The following ZNF76 variants were observed in gnomAD, a reference collection of about 807,000 sequenced individuals.
The protein encoded by ZNF76 is zinc finger protein 76.
ZNF76 carries 66 observed loss-of-function variants against 66.9 expected under a neutral mutation model. The observed-to-expected ratio is 0.99, with a 90% CI of 0.81 to 1.21. The LOEUF (loss-of-function observed/expected upper bound fraction) is 1.21, where lower values mean the gene tolerates loss of function less well. Among genes scored for constraint, ZNF76 ranks in the 50% most tolerant of loss-of-function variants. The probability of loss-of-function intolerance (pLI) is 0.00; values close to 1 mark genes in which losing one functional copy is unlikely to be tolerated. For synonymous variants in ZNF76, 275 were observed against 296.1 expected (o/e 0.93, Z 0.73); for missense variants, 729 against 760.3 (o/e 0.96, Z 0.48).
Position 35,281,033 on chromosome 6 carries a change from T to C in ZNF76, c.-96-23T>C, listed in dbSNP as rs990239351. 37 of 988,914 alleles carry C rather than the reference T, an allele frequency of 3.7e-5. No homozygotes were observed. The African/African-American group carries it at 4.6e-4, about 12-fold the overall frequency. The allele number at this position is 988,914 out of a possible 1,614,324, so 61.3% of individuals were successfully genotyped here. A position where few individuals can be genotyped will look rare whatever the true frequency, so the allele number is the denominator to read the frequency against. The stretch of plus-strand genomic sequence containing the variant: ...TAGGAGAAAGCTGGTTAACTCATAA[T>C]GTGATACTGTTTATTTTCTTAGATT... On this transcript the variant is annotated intron_variant, in intron 1 of 13. Transcript: ENST00000373953.
intron 1 of ZNF76, among the ~76,000 whole-genome samples, chr6:35,278,102 C>T (rs573679173): frequency 5.3e-5 from 8 of 152,168 alleles, no homozygotes; most frequent in East Asian, 3.9e-4. Context: ...GTGATCTGCC[C>T]GCCTCAACTT....
At chr6:35,281,937 TAA>T (rs76963744) in intron 2 of ZNF76, among the ~76,000 whole-genome samples, 52 of 119,258 alleles carry the variant, frequency 4.4e-4, no homozygotes, top group African/African-American at 3.5e-4. Flanking sequence ...TCCCATCTCT[TAA>T]AAAAAAAAAA....
chr6:35,266,652 A>C (rs1041586562), intron 1 of ZNF76, among the ~76,000 whole-genome samples: 3 of 152,160 alleles, frequency 2.0e-5, no homozygotes, highest in Non-Finnish European at 2.9e-5. Context: ...GAGACAGCGG[A>C]GTATGGGAAG....
intron 1 of ZNF76, among the ~76,000 whole-genome samples, chr6:35,277,896 G>C (rs960735578): frequency 1.3e-5 from 2 of 152,216 alleles, no homozygotes; most frequent in African/African-American, 4.8e-5. Flanking sequence ...GTCTCACTCT[G>C]TCGCCCAGGC....
chr6:35,260,284 C>T (rs1197567632), intron 1 of ZNF76, among the ~76,000 whole-genome samples: 1 of 151,920 alleles, frequency 6.6e-6, no homozygotes, highest in Non-Finnish European at 1.5e-5. Flanking sequence ...CCTGGGTAAC[C>T]CTCCTGGCCC....
intron 5 of ZNF76, 131 bp from the exon 6 acceptor site, chr6:35,290,135 T>G: frequency 8.2e-7 from 1 of 1,213,564 alleles, no homozygotes. Flanking sequence ...CGTCTAGTTA[T>G]GTTCTTCTGC....
At chr6:35,269,894 A>G (rs545453400) in intron 1 of ZNF76, among the ~76,000 whole-genome samples, 2 of 152,184 alleles carry the variant, frequency 1.3e-5, no homozygotes, top group African/African-American at 4.8e-5. Flanking sequence ...TCAGCTGATC[A>G]GCTTTCCATA....
chr6:35,282,887 C>T (rs1562112933), intron 2 of ZNF76, among the ~76,000 whole-genome samples: 1 of 152,170 alleles, frequency 6.6e-6, no homozygotes, highest in Non-Finnish European at 1.5e-5. Flanking sequence ...CTGTCTGTGA[C>T]ATGTGGGTTC....
chr6:35,269,989 A>G (rs1187676817), intron 1 of ZNF76, among the ~76,000 whole-genome samples: 2 of 152,222 alleles, frequency 1.3e-5, no homozygotes, highest in African/African-American at 4.8e-5. Flanking sequence ...GGAATCCATC[A>G]TATCAACACT....
At chr6:35,291,802 C>T (rs1239688643) in intron 9 of ZNF76, 65 bp downstream of exon 9, 1 of 1,563,494 alleles carries the variant, frequency 6.4e-7, no homozygotes, top group Non-Finnish European at 8.7e-7. Context: ...GTAGGCTTCC[C>T]ATCTAAGACA....
intron 1 of ZNF76, among the ~76,000 whole-genome samples, chr6:35,274,998 C>CA (rs1374781964): frequency 6.6e-6 from 1 of 151,664 alleles, no homozygotes; most frequent in Non-Finnish European, 1.5e-5. Context: ...ACTAAAAATA[C>CA]AAAAAAATTA....
At position 35,295,190 on chromosome 6, in the gene ZNF76, C is replaced by A; in HGVS notation, c.1655C>A (p.Ala552Glu). Reference protein sequence around the residue: ...TLEEAINVATAAMQQGAVTLE... With the variant: ...TLEEAINVATEAMQQGAVTLE... Reference sequence around the variant, plus strand: ...GAGGAGGCCATCAATGTGGCCACTGCGGCCATGCAGCAAGGGGCTGTGACC... The same window carrying A: ...GAGGAGGCCATCAATGTGGCCACTGAGGCCATGCAGCAAGGGGCTGTGACC... Residue 552 changes from alanine (A) to glutamate (E), a missense_variant, in exon 14 of 14, where the codon GCG (alanine) becomes GAG (glutamate). Transcript: ENST00000373953. 1 of 1,612,264 alleles carries A rather than the reference C, an allele frequency of 6.2e-7. No homozygotes were observed. Among genetic ancestry groups the A allele is most frequent in the Non-Finnish European group, 8.5e-7 (1 of 1,179,222 alleles).
chr6:35,266,666 A>T (rs527396790), intron 1 of ZNF76, among the ~76,000 whole-genome samples: 1 of 152,104 alleles, frequency 6.6e-6, no homozygotes, highest in Non-Finnish European at 1.5e-5. Flanking sequence ...TGGGAAGAAC[A>T]CTGGTGGTCA....
At chr6:35,290,041 C>G (rs577473633) in intron 5 of ZNF76, among the ~76,000 whole-genome samples, 1 of 152,274 alleles carries the variant, frequency 6.6e-6, no homozygotes, top group East Asian at 1.9e-4. Flanking sequence ...CTGTAGGTCT[C>G]CCTTTATCCC....
At chr6:35,266,157 C>T (rs900592387) in intron 1 of ZNF76, among the ~76,000 whole-genome samples, 5 of 85,152 alleles carry the variant, frequency 5.9e-5, no homozygotes, top group Non-Finnish European at 1.3e-4. Context: ...AGGGTGGCTA[C>T]AATTTTTTTT....
intron 1 of ZNF76, among the ~76,000 whole-genome samples, chr6:35,271,241 A>G (rs1017389536): frequency 1.9e-4 from 29 of 152,214 alleles, no homozygotes; most frequent in African/African-American, 6.8e-4. Context: ...GTCAGATAAT[A>G]TGTACATTTG....
intron 1 of ZNF76, among the ~76,000 whole-genome samples, chr6:35,273,098 A>G (rs985279164): frequency 6.6e-6 from 1 of 150,594 alleles, no homozygotes; most frequent in Non-Finnish European, 1.5e-5. Context: ...GGAGGTTGCA[A>G]TGAGCTGAGC....
chr6:35,290,532 G>C, intron 6 of ZNF76, 109 bp from the exon 7 acceptor site: 11 of 1,520,678 alleles, frequency 7.2e-6, no homozygotes, highest in Non-Finnish European at 9.9e-6. Flanking sequence ...CAGAGCGCTT[G>C]ACACACATGA....
In ZNF76 at chr6:35,293,901, AC is replaced by A. The variant is rs1361624954; in HGVS notation, c.1483del (p.Gln495ArgfsTer20). ...AGTCACCATGGTCAGCGCCGATGGC[AC>A]CCAGACGCAGCCCGTATGACCAGGC... Reference protein sequence around the residue: ...HTVTMVSADGTQTQPVTIITS... With the variant: ...HTVTMVSADGXQTQPVTIITS... On this transcript the variant is annotated frameshift_variant, in exon 12 of 14. Transcript: ENST00000373953. LOFTEE classifies it high-confidence loss of function. The A allele has an allele frequency of 6.2e-6, 10 of 1,613,954 alleles. No homozygotes were observed. Among genetic ancestry groups the A allele is most frequent in the Admixed American group, 1.7e-5 (1 of 59,990 alleles).
Sources: allele counts gnomAD v4.1 joint callset (sites outside exome capture counted in the v4.1 genomes callset), GRCh38; gene constraint gnomAD v4.1.1; transcripts MANE v1.5; gene names NCBI Gene and HGNC (gene_info 2026-07-23, HGNC 2026-07-21).